CPT1A: variants seen among roughly 807,000 people sequenced by gnomAD.
CPT1A encodes carnitine palmitoyltransferase 1A, also known as carnitine O-palmitoyltransferase 1, liver isoform.
CPT1A carries 64 observed loss-of-function variants against 100.8 expected under a neutral mutation model. The ratio of observed to expected loss-of-function variants is 0.63; its 90% CI spans 0.52 to 0.78. The LOEUF is 0.78. Ranked by LOEUF, CPT1A falls within the 30% of genes least tolerant of loss-of-function variation. The pLI, the probability that CPT1A is intolerant of heterozygous loss-of-function variation, is 0.00. For missense variants in CPT1A, 802 were observed against 1,034.1 expected (o/e 0.78, Z 3.08); for synonymous variants, 363 against 396.0 (o/e 0.92, Z 0.99).
At chr11:68,829,327 G>T (rs1856822441) in intron 1 of CPT1A, among the ~76,000 whole-genome samples, 1 of 152,134 alleles carries the variant, frequency 6.6e-6, no homozygotes, top group Admixed American at 6.5e-5. Flanking sequence ...CCAGGGGCCG[G>T]CCTATCTGCA....
intron 6 of CPT1A, among the ~76,000 whole-genome samples, chr11:68,798,571 C>G (rs1855818096): frequency 6.6e-6 from 1 of 152,162 alleles, no homozygotes. Context: ...AGGGTGCCAG[C>G]TAAGACGCTT....
chr11:68,805,911 C>T (rs1049313254), intron 4 of CPT1A, among the ~76,000 whole-genome samples: 4 of 152,216 alleles, frequency 2.6e-5, no homozygotes, highest in Admixed American at 6.5e-5. Flanking sequence ...GGCACACACC[C>T]GCCTGCAGGG....
At chr11:68,795,355 A>G (rs1855727790) in intron 7 of CPT1A, among the ~76,000 whole-genome samples, 1 of 152,236 alleles carries the variant, frequency 6.6e-6, no homozygotes, top group Non-Finnish European at 1.5e-5. Flanking sequence ...AGGCCAAGGA[A>G]CACAGGTCTA....
Position 68,755,134 on chromosome 11 carries a change from A to G in CPT1A, c.*2510T>C. On this transcript the variant is annotated 3_prime_UTR_variant, in exon 19 of 19. Transcript: ENST00000265641. ...TCAAGGAATATAAAATTGCATTGAT[A>G]ACTGCACTGATGAGCAACAATTACA... 2.4e-6 allele frequency: 1 copy of G among 421,262 alleles called. No homozygotes were observed. The highest frequency in any genetic ancestry group is 3.6e-5 in the South Asian group (1 of 28,106). 26.1% of individuals were successfully genotyped at this position (421,262 alleles called of 1,614,324 possible). A position where few individuals can be genotyped will look rare whatever the true frequency, so the allele number is the denominator to read the frequency against.
At chr11:68,828,075 C>T (rs545151710) in intron 1 of CPT1A, among the ~76,000 whole-genome samples, 13 of 152,296 alleles carry the variant, frequency 8.5e-5, no homozygotes, top group African/African-American at 3.1e-4. Flanking sequence ...TCGTGGGCAC[C>T]CCTGGCCTCT....
upstream of CPT1A, among the ~76,000 whole-genome samples, chr11:68,843,124 G>A (rs1457489428): frequency 2.0e-5 from 3 of 151,560 alleles, no homozygotes; most frequent in Non-Finnish European, 2.9e-5. The surrounding 1 kb of genome is among the most constrained non-coding windows in gnomAD (Gnocchi z 4.0). Flanking sequence ...CTTTGATCCC[G>A]CCCCCCACCA....
chr11:68,824,225 G>T (rs1856664491), intron 1 of CPT1A, among the ~76,000 whole-genome samples: 1 of 149,932 alleles, frequency 6.7e-6, no homozygotes, highest in Non-Finnish European at 1.5e-5. Context: ...TCCAGCCTGG[G>T]GGACAAGAGC....
Position 68,757,689 on chromosome 11 carries a change from A to T in CPT1A, c.2277T>A (p.Thr759=). The part of the protein sequence containing the change: ...RFGRHLKEAM[T]DIITLFGLSS... ...TGAGACCAAACAAAGTGATGATGTC[A>T]GTCATTGCTTCTTTCAGGTGCCTTC... is the stretch of plus-strand genomic sequence containing the variant. Residue 759 remains threonine, a synonymous_variant, in exon 19 of 19, where the codon ACT becomes ACA. Coordinates refer to ENST00000265641, the MANE Select transcript of CPT1A (RefSeq NM_001876.4). 1 of 1,614,192 alleles carries T rather than the reference A, an allele frequency of 6.2e-7. No homozygotes were observed. Among genetic ancestry groups the T allele is most frequent in the Non-Finnish European group, 8.5e-7 (1 of 1,180,024 alleles).
intron 7 of CPT1A, among the ~76,000 whole-genome samples, chr11:68,795,359 A>G (rs560393764): frequency 2.0e-5 from 3 of 152,356 alleles, no homozygotes; most frequent in African/African-American, 7.2e-5. Context: ...CAAGGAACAC[A>G]GGTCTAACCT....
Position 68,795,170 on chromosome 11 carries a change from G to A in CPT1A, c.772-259C>T, listed in dbSNP as rs139166095. ...AACTATTTGCACCAAATACCCTCAC[G>A]TAACACAGAGAAAGGAAAGCAAAAA... is the stretch of plus-strand genomic sequence containing the variant. On this transcript the variant is annotated intron_variant, in intron 7 of 18. Coordinates refer to ENST00000265641, the MANE Select transcript of CPT1A (RefSeq NM_001876.4). Among the ~76,000 whole-genome samples the A allele has an allele frequency of 2.0e-4, 30 of 152,260 alleles. No homozygotes were observed. The East Asian group carries it at 4.4e-3, about 22-fold the overall frequency.
chr11:68,805,443 G>A (rs988995553), intron 4 of CPT1A, among the ~76,000 whole-genome samples: 2 of 149,924 alleles, frequency 1.3e-5, no homozygotes, highest in African/African-American at 2.5e-5. Flanking sequence ...AGAGCAAGAT[G>A]CTGTCTCAAA....
chr11:68,816,987 G>A (rs1281750124), intron 1 of CPT1A, among the ~76,000 whole-genome samples: 34 of 109,940 alleles, frequency 3.1e-4, no homozygotes, highest in Non-Finnish European at 5.4e-4. Context: ...GGGGGGGTGC[G>A]TGGGTGTGTG....
chr11:68,798,048 C>T (rs1222113418), intron 6 of CPT1A, among the ~76,000 whole-genome samples: 1 of 152,174 alleles, frequency 6.6e-6, no homozygotes, highest in Non-Finnish European at 1.5e-5. Context: ...AGACTGCTTC[C>T]CAGGTCTGCC....
intron 4 of CPT1A, among the ~76,000 whole-genome samples, chr11:68,805,521 T>C (rs1421045834): frequency 6.6e-6 from 1 of 151,634 alleles, no homozygotes; most frequent in African/African-American, 2.4e-5. Flanking sequence ...GTGACTCCCA[T>C]GCTTCTCTCA....
chr11:68,802,346 G>C (rs1402213125), intron 5 of CPT1A, among the ~76,000 whole-genome samples: 1 of 142,176 alleles, frequency 7.0e-6, no homozygotes, highest in South Asian at 2.2e-4. Context: ...TTCAATTAAA[G>C]AAAAAAAAAG....
At chr11:68,784,332 G>A (rs183244112) in intron 10 of CPT1A, among the ~76,000 whole-genome samples, 5 of 152,302 alleles carry the variant, frequency 3.3e-5, no homozygotes, top group Non-Finnish European at 5.9e-5. Flanking sequence ...AGGCCAAGGT[G>A]GGTGGATCAC....
chr11:68,814,603 C>G (rs1477952094), intron 2 of CPT1A, among the ~76,000 whole-genome samples: 1 of 151,722 alleles, frequency 6.6e-6, no homozygotes, highest in East Asian at 1.9e-4. Context: ...CCACTGCACC[C>G]GGACCTTATG....
At chr11:68,839,204 A>G (rs1252586400) in intron 1 of CPT1A, among the ~76,000 whole-genome samples, 1 of 152,250 alleles carries the variant, frequency 6.6e-6, no homozygotes, top group Non-Finnish European at 1.5e-5. Flanking sequence ...GTGCAGAAGC[A>G]GCCCTTGGCC....
At chr11:68,791,244 A>G (rs1478088450) in intron 9 of CPT1A, among the ~76,000 whole-genome samples, 1 of 152,212 alleles carries the variant, frequency 6.6e-6, no homozygotes, top group Non-Finnish European at 1.5e-5. Context: ...GCTGACTGAC[A>G]GCAGGTGACA....
Sources: gnomAD v4.1 joint callset for allele counts (sites outside exome capture counted in the v4.1 genomes callset) on GRCh38, gnomAD v4.1.1 for gene constraint, Gnocchi (gnomAD v3.1) non-coding constraint, MANE v1.5 for transcripts, NCBI Gene and HGNC (gene_info 2026-07-23, HGNC 2026-07-21) for gene names.